The following RIT2 variants were observed in gnomAD, a reference collection of about 807,000 sequenced individuals.
RIT2 encodes Ras like without CAAX 2.
Under a neutral mutation model 23.7 loss-of-function variants are expected in RIT2, and 24 were observed. The observed-to-expected ratio is 1.01, with a 90% CI of 0.73 to 1.43. The LOEUF (loss-of-function observed/expected upper bound fraction) is 1.43, where lower values mean the gene tolerates loss of function less well. RIT2 is among the 40% of genes most tolerant of loss of function. The pLI, the probability that RIT2 is intolerant of heterozygous loss-of-function variation, is 0.00. For missense variants in RIT2, 236 were observed against 266.9 expected (o/e 0.88, Z 0.81); for synonymous variants, 107 against 91.1 (o/e 1.17, Z -0.99).
intron 4 of RIT2, among the ~76,000 whole-genome samples, chr18:42,860,279 C>G (rs1309250488): frequency 6.6e-6 from 1 of 152,108 alleles, no homozygotes; most frequent in East Asian, 1.9e-4. Context: ...TACCATGTTT[C>G]TAAGACAGTT....
At chr18:42,807,791 ATGTG>A (rs10551770) in intron 4 of RIT2, among the ~76,000 whole-genome samples, 9,944 of 147,336 alleles carry the variant, frequency 0.067, 539 homozygotes, top group East Asian at 0.25. Flanking sequence ...CACAAAGTGA[ATGTG>A]TGTGTGTGTG....
intron 4 of RIT2, among the ~76,000 whole-genome samples, chr18:42,854,309 A>T (rs1273477076): frequency 6.6e-6 from 1 of 152,166 alleles, no homozygotes; most frequent in African/African-American, 2.4e-5. Flanking sequence ...GGCCTATTAT[A>T]TTATTCACAT....
chr18:42,811,068 T>C (rs1905837443), intron 4 of RIT2, among the ~76,000 whole-genome samples: 1 of 152,056 alleles, frequency 6.6e-6, no homozygotes, highest in Non-Finnish European at 1.5e-5. Flanking sequence ...ATAGATTTTG[T>C]CTGGAAAGTT....
chr18:43,057,023 G>A (rs528704268), intron 1 of RIT2, among the ~76,000 whole-genome samples: 131 of 128,128 alleles, frequency 1.0e-3, no homozygotes, highest in African/African-American at 3.7e-3. Flanking sequence ...ATGATCAAGG[G>A]TGCATAAGCA....
intron 2 of RIT2, among the ~76,000 whole-genome samples, chr18:43,025,237 CAA>C (rs58609867): frequency 7.3e-6 from 1 of 136,618 alleles, no homozygotes; most frequent in African/African-American, 2.6e-5. Flanking sequence ...AAAAAAAAAA[CAA>C]AAAAAAAAAC....
intron 4 of RIT2, among the ~76,000 whole-genome samples, chr18:42,841,311 T>G (rs550945015): frequency 3.0e-4 from 45 of 152,340 alleles, no homozygotes; most frequent in African/African-American, 1.1e-3. Context: ...TAATAGCAGC[T>G]TTTCATCCAT....
At chr18:43,094,933 TACC>T (rs1177014922) in intron 1 of RIT2, among the ~76,000 whole-genome samples, 11 of 152,252 alleles carry the variant, frequency 7.2e-5, no homozygotes, top group Admixed American at 2.0e-4. Context: ...TGTGTATATC[TACC>T]ACATTTTCTT....
chr18:42,847,367 G>A (rs1194195332), intron 4 of RIT2, among the ~76,000 whole-genome samples: 5 of 151,966 alleles, frequency 3.3e-5, no homozygotes, highest in African/African-American at 1.2e-4. Flanking sequence ...CTCCATGCCA[G>A]GAACACTGCA....
intron 4 of RIT2, among the ~76,000 whole-genome samples, chr18:42,890,016 A>C (rs1330811419): frequency 2.0e-5 from 3 of 152,074 alleles, no homozygotes; most frequent in African/African-American, 7.2e-5. Flanking sequence ...CTGAGTGACT[A>C]AATATATTTA....
intron 4 of RIT2, among the ~76,000 whole-genome samples, chr18:42,816,496 A>T (rs9954468): frequency 0.19 from 29,373 of 152,152 alleles, 3,242 homozygotes; most frequent in African/African-American, 0.3. Context: ...GAGATGTATT[A>T]TCTAGTCCTT....
At chr18:42,879,377 A>G (rs1268359254) in intron 4 of RIT2, among the ~76,000 whole-genome samples, 1 of 152,168 alleles carries the variant, frequency 6.6e-6, no homozygotes, top group Non-Finnish European at 1.5e-5. Context: ...AGTATTATTT[A>G]CTAAGTGAGC....
At chr18:42,888,176 T>C (rs1272369187) in intron 4 of RIT2, among the ~76,000 whole-genome samples, 5 of 151,906 alleles carry the variant, frequency 3.3e-5, no homozygotes, top group African/African-American at 9.7e-5. Flanking sequence ...GGTGAATTAA[T>C]GTAGGTTTAT....
intron 4 of RIT2, among the ~76,000 whole-genome samples, chr18:42,832,611 G>T (rs983628400): frequency 6.6e-6 from 1 of 152,096 alleles, no homozygotes; most frequent in Non-Finnish European, 1.5e-5. Context: ...ACTATTTAAT[G>T]ACCAAATCAG....
intron 1 of RIT2, among the ~76,000 whole-genome samples, chr18:43,098,152 T>C (rs972187871): frequency 2.0e-5 from 3 of 151,914 alleles, no homozygotes; most frequent in African/African-American, 7.2e-5. Context: ...TTCCTTAAAT[T>C]CTCTTTTGAA....
In RIT2 at chr18:42,920,595, C is replaced by G. The variant is rs551943450; in HGVS notation, c.426+2977G>C. 1.3e-4 allele frequency: 96 copies of G among 715,728 alleles called. 2 individuals are homozygous for G. The South Asian group carries it at 1.5e-3, about 11-fold the overall frequency. 44.3% of individuals were successfully genotyped at this position (715,728 alleles called of 1,614,324 possible). On this transcript the variant is annotated intron_variant, in intron 4 of 4. Transcript: ENST00000326695. ...GGTGAATAATGATAAACACATAATA[C>G]ACTAAAACTCGTTGTCTTTTTGTTT...
chr18:42,984,285 T>G (rs1054811972), intron 2 of RIT2, among the ~76,000 whole-genome samples: 10 of 152,200 alleles, frequency 6.6e-5, no homozygotes, highest in African/African-American at 2.2e-4. Context: ...TCTTTCAAAT[T>G]ATTCTAACTG....
intron 4 of RIT2, among the ~76,000 whole-genome samples, chr18:42,789,097 G>A (rs891976884): frequency 2.0e-5 from 3 of 152,164 alleles, no homozygotes; most frequent in Admixed American, 6.5e-5. Context: ...TTTACCGTGT[G>A]TTGTGATCAA....
intron 2 of RIT2, among the ~76,000 whole-genome samples, chr18:42,985,064 A>G (rs1910680079): frequency 6.6e-6 from 1 of 152,108 alleles, no homozygotes; most frequent in Admixed American, 6.5e-5. Context: ...GATTAAATAA[A>G]TGATTTTGTT....
At chr18:42,907,625 T>C (rs1908656773) in intron 4 of RIT2, among the ~76,000 whole-genome samples, 1 of 152,110 alleles carries the variant, frequency 6.6e-6, no homozygotes, top group South Asian at 2.1e-4. Flanking sequence ...AATCACAATA[T>C]GAATGAGAAA....
Sources: gnomAD v4.1 joint callset for allele counts (sites outside exome capture counted in the v4.1 genomes callset) on GRCh38, gnomAD v4.1.1 for gene constraint, MANE v1.5 for transcripts, NCBI Gene and HGNC (gene_info 2026-07-23, HGNC 2026-07-21) for gene names.